Variants in NR6A1 observed in about 807,000 individuals in gnomAD.
NR6A1 encodes retinoic acid receptor-related testis-associated receptor.
Under a neutral mutation model 59.1 loss-of-function variants are expected in NR6A1, and 7 were observed. The observed-to-expected ratio is 0.12, with a 90% CI of 0.07 to 0.22. The LOEUF (loss-of-function observed/expected upper bound fraction) is 0.22. Among genes scored for constraint, NR6A1 ranks in the 10% least tolerant of loss-of-function variants. The pLI is 1.00. For synonymous variants in NR6A1, 243 were observed against 236.1 expected (o/e 1.03, Z -0.27); for missense variants, 468 against 611.6 (o/e 0.77, Z 2.48).
intron 1 of NR6A1, among the ~76,000 whole-genome samples, chr9:124,763,101 T>C (rs1245955021): frequency 6.6e-6 from 1 of 152,226 alleles, no homozygotes; most frequent in Non-Finnish European, 1.5e-5. Context: ...CACAAGCACT[T>C]TGTCTTAAAA....
At chr9:124,587,307 A>G (rs924493390) in intron 2 of NR6A1, among the ~76,000 whole-genome samples, 1 of 152,202 alleles carries the variant, frequency 6.6e-6, no homozygotes, top group African/African-American at 2.4e-5. Context: ...GACTTGCTTT[A>G]TTGTAGTGGT....
At chr9:124,570,676 A>G (rs1302608454) in intron 2 of NR6A1, among the ~76,000 whole-genome samples, 5 of 116,688 alleles carry the variant, frequency 4.3e-5, no homozygotes, top group African/African-American at 1.7e-4. Context: ...AGTTGGAGAA[A>G]TCTATTATTT....
rs543464162 is a variant in NR6A1 at position 124,540,292 on chromosome 9, G to C, written c.442-105C>G. On this transcript the variant is annotated intron_variant, in intron 4 of 9. Transcript: ENST00000487099. ...CTCATAGGATTTCCCAGAAACCTAG[G>C]TTCCCTCTCCTCCATCCCCATATTC... is the stretch of plus-strand genomic sequence containing the variant. The C allele has an allele frequency of 4.7e-6, 6 of 1,272,030 alleles. No individual in the cohort carries two copies. In the East Asian group the frequency reaches 1.5e-4, roughly 31 times the overall value. 78.8% of individuals were successfully genotyped at this position (1,272,030 alleles called of 1,614,324 possible).
chr9:124,539,343 T>C (rs572389584), intron 5 of NR6A1, among the ~76,000 whole-genome samples: 2 of 152,352 alleles, frequency 1.3e-5, no homozygotes, highest in South Asian at 2.1e-4. Context: ...GTTCACATAA[T>C]GTCCATGGCC....
chr9:124,656,756 CA>C (rs1186746433), intron 2 of NR6A1, among the ~76,000 whole-genome samples: 2 of 152,134 alleles, frequency 1.3e-5, no homozygotes, highest in Non-Finnish European at 2.9e-5. Context: ...TGCTTGAACC[CA>C]GGAGGCGGAA....
At chr9:124,606,729 C>T (rs576996345) in intron 2 of NR6A1, among the ~76,000 whole-genome samples, 44 of 152,168 alleles carry the variant, frequency 2.9e-4, no homozygotes, top group Non-Finnish European at 5.4e-4. Flanking sequence ...TCTATGTTCA[C>T]GTGACAGTGA....
chr9:124,705,825 G>T (rs182875425), intron 2 of NR6A1, among the ~76,000 whole-genome samples: 179 of 150,984 alleles, frequency 1.2e-3, no homozygotes, highest in African/African-American at 3.8e-3. Flanking sequence ...GCCCAGGCTG[G>T]AGTGCAGTGG....
At position 124,653,166 on chromosome 9, in the gene NR6A1, A is replaced by T. The variant is rs1588746355; in HGVS notation, c.142+80142T>A. ...CCTCTTCCTTGCTATGTGACACTGGACAAGTCATTTAACCACCAGAGCCTC... is the reference window on the plus strand; with the variant it reads ...CCTCTTCCTTGCTATGTGACACTGGTCAAGTCATTTAACCACCAGAGCCTC... On this transcript the variant is annotated intron_variant, in intron 2 of 9. Coordinates refer to ENST00000487099, the MANE Select transcript of NR6A1 (RefSeq NM_033334.4). 3.9e-5 allele frequency among the ~76,000 whole-genome samples: 6 copies of T among 152,188 alleles called. No homozygotes were observed. In the South Asian group the frequency reaches 1.2e-3, roughly 32 times the overall value.
chr9:124,632,506 G>A (rs1170463521), intron 2 of NR6A1, among the ~76,000 whole-genome samples: 3 of 152,058 alleles, frequency 2.0e-5, no homozygotes, highest in Non-Finnish European at 2.9e-5. Flanking sequence ...ACTTTTTAAC[G>A]GGGTTGTTTT....
At chr9:124,768,444 A>G (rs77068072) in intron 1 of NR6A1, among the ~76,000 whole-genome samples, 363 of 152,380 alleles carry the variant, frequency 2.4e-3, no homozygotes, top group African/African-American at 7.3e-3. Flanking sequence ...TGTTAACTTC[A>G]TAAGTGCTAA....
chr9:124,645,717 C>T (rs557489297), intron 2 of NR6A1, among the ~76,000 whole-genome samples: 2 of 152,246 alleles, frequency 1.3e-5, no homozygotes, highest in East Asian at 3.9e-4. Context: ...ATCCAGAAGG[C>T]AGAAATTCAT....
At chr9:124,678,248 C>T (rs765483087) in intron 2 of NR6A1, among the ~76,000 whole-genome samples, 8 of 152,210 alleles carry the variant, frequency 5.3e-5, no homozygotes, top group Non-Finnish European at 1.0e-4. Flanking sequence ...GATTCCTACA[C>T]GGTCTTAGCC....
chr9:124,740,119 C>A (rs1049226375), intron 1 of NR6A1, among the ~76,000 whole-genome samples: 15 of 152,364 alleles, frequency 9.8e-5, no homozygotes, highest in African/African-American at 3.6e-4. Flanking sequence ...CACTGAAGTA[C>A]ATCGTGGCTC....
chr9:124,568,506 T>C (rs1031160272), intron 2 of NR6A1, among the ~76,000 whole-genome samples: 10 of 148,096 alleles, frequency 6.8e-5, no homozygotes, highest in African/African-American at 2.3e-4. Context: ...AAAAGAAACA[T>C]AGAAACAGTC....
chr9:124,758,028 C>G (rs1294500775), intron 1 of NR6A1, among the ~76,000 whole-genome samples: 1 of 152,226 alleles, frequency 6.6e-6, no homozygotes, highest in African/African-American at 2.4e-5. Context: ...TGCACTTCTT[C>G]ACAGCAGTAC....
At chr9:124,561,103 T>C (rs1239783072) in intron 2 of NR6A1, among the ~76,000 whole-genome samples, 1 of 151,936 alleles carries the variant, frequency 6.6e-6, no homozygotes. Context: ...AGAATGTGGA[T>C]ATTATATTAT....
chr9:124,656,896 A>T (rs1244490673), intron 2 of NR6A1, among the ~76,000 whole-genome samples: 3 of 152,114 alleles, frequency 2.0e-5, no homozygotes, highest in Non-Finnish European at 4.4e-5. Flanking sequence ...GGCCTGGGGG[A>T]GGGAAGAATG....
At chr9:124,687,284 C>CTAATTAATTAATTAATTAATTAAT (rs1428455082) in intron 2 of NR6A1, among the ~76,000 whole-genome samples, 2 of 135,978 alleles carry the variant, frequency 1.5e-5, no homozygotes, top group East Asian at 4.1e-4. Flanking sequence ...CCACAGCCAG[C>CTAATTAATTAATTAATTAATTAAT]TAATTAATTA....
intron 2 of NR6A1, among the ~76,000 whole-genome samples, chr9:124,710,133 T>C (rs1280272924): frequency 2.0e-5 from 3 of 152,164 alleles, no homozygotes; most frequent in African/African-American, 7.2e-5. Context: ...ATCTTAGTTA[T>C]GCTGGACAAC....
Sources: allele counts gnomAD v4.1 joint callset (sites outside exome capture counted in the v4.1 genomes callset), GRCh38; gene constraint gnomAD v4.1.1; transcripts MANE v1.5; gene names NCBI Gene and HGNC (gene_info 2026-07-23, HGNC 2026-07-21).